PRRT4: variants seen among roughly 807,000 people sequenced by gnomAD.
PRRT4 encodes the protein proline-rich transmembrane protein 4.
A neutral mutation model predicts 55.6 loss-of-function variants in PRRT4; 59 were observed. That is an observed-to-expected ratio of 1.06 (90% CI 0.86 to 1.32). PRRT4 has a LOEUF of 1.32. Ranked by LOEUF, PRRT4 falls within the 40% of genes most tolerant of loss-of-function variation. The pLI is 0.00. For missense variants in PRRT4, 1,217 were observed against 1,222.0 expected, an observed-to-expected ratio of 1.00 and a Z score of 0.06; for synonymous variants, 606 against 601.8, an observed-to-expected ratio of 1.01 and a Z score of -0.10.
upstream of PRRT4, among the ~76,000 whole-genome samples, chr7:128,361,893 C>T (rs1258725390): frequency 6.6e-6 from 1 of 152,162 alleles, no homozygotes; most frequent in Non-Finnish European, 1.5e-5. Context: ...TCAGCCGCGG[C>T]GGGCGCCTCG....
intron 1 of PRRT4, among the ~76,000 whole-genome samples, chr7:128,361,076 G>GTCTCTCTC (rs71160633): frequency 1.6e-3 from 162 of 100,458 alleles, no homozygotes; most frequent in South Asian, 3.5e-3. Context: ...GGCCTCCCCT[G>GTCTCTCTC]TCTCTCTCTC....
intron 4 of PRRT4, among the ~76,000 whole-genome samples, chr7:128,357,847 G>A (rs1349059767): frequency 6.6e-6 from 1 of 152,196 alleles, no homozygotes; most frequent in African/African-American, 2.4e-5. Flanking sequence ...CCTCTGCTGT[G>A]TGGTTTGTGT....
exon 5 of PRRT4, chr7:128,351,197 G>C (rs1239911739): frequency 3.9e-6 from 6 of 1,541,454 alleles, no homozygotes; most frequent in Non-Finnish European, 5.2e-6. Context: ...GGGAGCTCCG[G>C]GGGCGCAGCG....
At chr7:128,351,121 T>A (rs1332175534) in exon 5 of PRRT4, 1 of 1,547,940 alleles carries the variant, frequency 6.5e-7, no homozygotes. Context: ...GGACGAGCTG[T>A]CCCGCGAGAG....
At chr7:128,359,607 G>C in exon 2 of PRRT4, 1 of 1,522,942 alleles carries the variant, frequency 6.6e-7, no homozygotes, top group Non-Finnish European at 8.8e-7. Context: ...GTGGACTCCG[G>C]AAGCAGGGAG....
exon 5 of PRRT4, chr7:128,351,262 G>A (rs1796957131): frequency 6.5e-7 from 1 of 1,539,840 alleles, no homozygotes; most frequent in Non-Finnish European, 8.7e-7. Flanking sequence ...CCCCAGCGAG[G>A]CGGTGCGGTA....
intron 1 of PRRT4, among the ~76,000 whole-genome samples, chr7:128,360,504 C>T (rs2116504148): frequency 6.6e-6 from 1 of 152,330 alleles, no homozygotes; most frequent in Non-Finnish European, 1.5e-5. Context: ...ACCCCCACCT[C>T]CCGCCCCAGC....
rs1283549752 is a variant in PRRT4 at position 128,359,265 on chromosome 7, G to A, written c.653-12C>T. On this transcript the variant is annotated splice_polypyrimidine_tract_variant and intron_variant, in intron 2 of 4. Transcript: ENST00000535159. ...AGTGCCAAAGAATCCTGCAAAAGAA[G>A]CCCAGGCTGAAGCTGCCTCCTACCT... The A allele has an allele frequency of 3.2e-6, 5 of 1,548,300 alleles. No individual in the cohort carries two copies. In the African/African-American group the frequency reaches 6.9e-5, roughly 21 times the overall value.
intron 3 of PRRT4, 57 bp downstream of exon 4, chr7:128,359,092 A>C: frequency 1.3e-6 from 2 of 1,509,588 alleles, no homozygotes; most frequent in Non-Finnish European, 1.8e-6. Flanking sequence ...GGCTCCTAGC[A>C]CAGCGCTTGG....
intron 4 of PRRT4, among the ~76,000 whole-genome samples, chr7:128,355,054 T>C (rs573410888): frequency 1.3e-5 from 2 of 152,338 alleles, no homozygotes; most frequent in East Asian, 3.9e-4. Flanking sequence ...CTTGATTCAA[T>C]TAACTAAAGG....
intron 4 of PRRT4, among the ~76,000 whole-genome samples, chr7:128,354,332 G>A (rs1373788161): frequency 6.6e-6 from 1 of 152,318 alleles, no homozygotes; most frequent in Non-Finnish European, 1.5e-5. Context: ...GGGAGGCCGT[G>A]GCGAGCAGAT....
At chr7:128,359,677 G>C in exon 2 of PRRT4, 1 of 1,551,268 alleles carries the variant, frequency 6.4e-7, no homozygotes, top group Non-Finnish European at 8.7e-7. Context: ...AGTTCCCTGA[G>C]GAGCCCACCA....
At chr7:128,361,392 G>C (rs1233573533) in intron 1 of PRRT4, 3 of 152,226 alleles carry the variant, frequency 2.0e-5, no homozygotes, top group African/African-American at 7.2e-5. Flanking sequence ...GCCCAGCTGG[G>C]CAACGCTTCG....
chr7:128,357,411 G>A (rs1381109561), intron 4 of PRRT4, among the ~76,000 whole-genome samples: 1 of 152,130 alleles, frequency 6.6e-6, no homozygotes, highest in African/African-American at 2.4e-5. Context: ...AGCCTGCCCG[G>A]CTGCACTGCC....
At position 128,354,042 on chromosome 7, in the gene PRRT4, G is replaced by A. The variant is rs539599521; in HGVS notation, c.878-1364C>T. ...CCTCACCTACAGATTCAGCAGGACC[G>A]CAGCCACAGGCAAGGGTAGAAGAAG... is the stretch of plus-strand genomic sequence containing the variant. On this transcript the variant is annotated intron_variant, in intron 4 of 4. Coordinates refer to ENST00000535159, the Ensembl canonical transcript of PRRT4. 2.6e-5 allele frequency among the ~76,000 whole-genome samples: 4 copies of A among 152,300 alleles called. No individual in the cohort carries two copies. In the South Asian group the frequency reaches 6.2e-4, roughly 24 times the overall value.
chr7:128,356,789 A>T (rs1797120377), intron 4 of PRRT4, among the ~76,000 whole-genome samples: 1 of 152,058 alleles, frequency 6.6e-6, no homozygotes, highest in Non-Finnish European at 1.5e-5. Context: ...TCATGTCTCC[A>T]CTCTGGATGC....
chr7:128,361,536 C>T, intron 1 of PRRT4, 25 bp downstream of exon 1: 1 of 153,136 alleles, frequency 6.5e-6, no homozygotes, highest in Non-Finnish European at 1.5e-5. Context: ...GCCCCCGGCC[C>T]AGCCCCGGCC....
chr7:128,361,095 TCTCTCTCTCACACA>T (rs1294789958), intron 1 of PRRT4, among the ~76,000 whole-genome samples, 197 bp downstream of exon 2: 6 of 133,606 alleles, frequency 4.5e-5, no homozygotes, highest in African/African-American at 1.5e-4. Flanking sequence ...TCTCTCTCTC[TCTCTCTCTCACACA>T]CACACACACA....
At chr7:128,359,010 G>A (rs1797174850) in intron 3 of PRRT4, 139 bp downstream of exon 4, 1 of 1,191,652 alleles carries the variant, frequency 8.4e-7, no homozygotes, top group Non-Finnish European at 1.2e-6. Context: ...CTCCTTCCGT[G>A]GAAGTAGTAG....
Sources: allele counts gnomAD v4.1 joint callset (sites outside exome capture counted in the v4.1 genomes callset), GRCh38; gene constraint gnomAD v4.1.1; transcripts MANE v1.5; gene names NCBI Gene and HGNC (gene_info 2026-07-23, HGNC 2026-07-21).